The following SIL1 variants were observed in gnomAD, a reference collection of about 807,000 sequenced individuals.
SIL1 encodes nucleotide exchange factor SIL1.
Under a neutral mutation model 49.1 loss-of-function variants are expected in SIL1, and 40 were observed. That is an observed-to-expected ratio of 0.81 (90% CI 0.63 to 1.06). SIL1 has a LOEUF of 1.06. Ranked by LOEUF, SIL1 falls within the 50% of genes least tolerant of loss-of-function variation. SIL1 has a pLI of 0.00. For missense variants in SIL1, 500 were observed against 572.6 expected, an observed-to-expected ratio of 0.87 and a Z score of 1.29; for synonymous variants, 253 against 250.8, an observed-to-expected ratio of 1.01 and a Z score of -0.08.
chr5:138,996,771 A>G (rs1411257562), intron 7 of SIL1, among the ~76,000 whole-genome samples: 3 of 150,740 alleles, frequency 2.0e-5, no homozygotes, highest in African/African-American at 7.3e-5. Context: ...GCCTGCCTCG[A>G]CCTCCCAAAG....
intron 5 of SIL1, among the ~76,000 whole-genome samples, chr5:139,031,975 T>C (rs1341554397): frequency 6.6e-6 from 1 of 152,262 alleles, no homozygotes; most frequent in African/African-American, 2.4e-5. Flanking sequence ...TCTTGTGACA[T>C]TGCTGAACTC....
chr5:139,020,031 A>G (rs1768484111), intron 7 of SIL1, among the ~76,000 whole-genome samples: 1 of 152,190 alleles, frequency 6.6e-6, no homozygotes, highest in Admixed American at 6.5e-5. Flanking sequence ...GTGGCTGCAC[A>G]GGAGGAGATT....
Position 139,194,075 on chromosome 5 carries a change from T to G in SIL1, c.-11+4194A>C, listed in dbSNP as rs113998808. On this transcript the variant is annotated intron_variant, in intron 1 of 9. Transcript: ENST00000394817. ...CTCAATACCAAAGCCAAGGGCAGTA[T>G]TAGGAGGATGAAGGCAAACATGGCC... 9.6e-3 allele frequency among the ~76,000 whole-genome samples: 1,455 copies of G among 152,316 alleles called. 5 individuals are homozygous for G. The highest frequency in any genetic ancestry group is 0.013 in the Non-Finnish European group (859 of 68,028).
At chr5:139,187,560 G>A (rs1284838552) in intron 1 of SIL1, among the ~76,000 whole-genome samples, 2 of 151,770 alleles carry the variant, frequency 1.3e-5, no homozygotes, top group African/African-American at 4.8e-5. Context: ...AGAGTACTCT[G>A]GGCAAAAGAA....
intron 5 of SIL1, chr5:139,035,438 G>A: frequency 3.7e-6 from 2 of 539,350 alleles, no homozygotes; most frequent in South Asian, 2.8e-5. Flanking sequence ...CCTCAATCAG[G>A]GCCTGTCTGT....
chr5:138,985,695 G>A (rs904656434), intron 7 of SIL1, among the ~76,000 whole-genome samples: 1 of 152,116 alleles, frequency 6.6e-6, no homozygotes, highest in Admixed American at 6.5e-5. Flanking sequence ...TCTGACTGTC[G>A]ACCCAAGACT....
At chr5:138,988,237 CACCTGGTTCTTACAG>C (rs1443472212) in intron 7 of SIL1, among the ~76,000 whole-genome samples, 1 of 152,232 alleles carries the variant, frequency 6.6e-6, no homozygotes, top group Non-Finnish European at 1.5e-5. Context: ...CAGACCCGTA[CACCTGGTTCTTACAG>C]AACAGTCCCA....
At chr5:139,126,112 A>T (rs903869133) in intron 2 of SIL1, among the ~76,000 whole-genome samples, 3 of 152,226 alleles carry the variant, frequency 2.0e-5, no homozygotes, top group Non-Finnish European at 4.4e-5. Flanking sequence ...TTTAGATTTT[A>T]AATGACATCA....
chr5:138,993,378 T>C lies in SIL1; in HGVS notation c.767+27793A>G, dbSNP rs189422643. On this transcript the variant is annotated intron_variant, in intron 7 of 9. Coordinates refer to ENST00000394817, the MANE Select transcript of SIL1 (RefSeq NM_022464.5). ...CAACCCAAAGCTGCTGACCTGAAGA[T>C]GCTGTTTACATGGAAAAAATAAATA... Among the ~76,000 whole-genome samples the C allele has an allele frequency of 5.0e-4, 76 of 152,298 alleles. 1 individual carries two copies. In the East Asian group the frequency reaches 0.012, roughly 24 times the overall value.
chr5:139,041,143 G>A (rs1455586461), intron 5 of SIL1, among the ~76,000 whole-genome samples: 1 of 152,206 alleles, frequency 6.6e-6, no homozygotes, highest in Non-Finnish European at 1.5e-5. Context: ...GGCAGAAGAT[G>A]TGCTTCTCCT....
intron 3 of SIL1, among the ~76,000 whole-genome samples, chr5:139,106,185 A>G (rs1167164521): frequency 1.3e-5 from 2 of 152,166 alleles, no homozygotes; most frequent in Non-Finnish European, 2.9e-5. Flanking sequence ...TGCTCTCTCA[A>G]TCCTCCCAAT....
intron 1 of SIL1, chr5:139,196,465 C>G (rs1752275773): frequency 1.3e-5 from 2 of 152,204 alleles, no homozygotes; most frequent in Admixed American, 6.5e-5. Context: ...TAATTAGCCT[C>G]TTCTCCTGCC....
intron 7 of SIL1, 108 bp downstream of exon 7, chr5:139,021,063 A>C (rs1768514065): frequency 6.8e-7 from 1 of 1,481,222 alleles, no homozygotes; most frequent in South Asian, 1.1e-5. Context: ...AGTTTCATTG[A>C]GATGACACTG....
intron 3 of SIL1, among the ~76,000 whole-genome samples, chr5:139,092,911 T>C (rs1243537804): frequency 6.6e-6 from 1 of 152,172 alleles, no homozygotes; most frequent in Non-Finnish European, 1.5e-5. Flanking sequence ...AAGAGGTGAT[T>C]AGGTCATGAG....
At chr5:139,056,562 C>G (rs1769434789) in intron 3 of SIL1, among the ~76,000 whole-genome samples, 1 of 150,570 alleles carries the variant, frequency 6.6e-6, no homozygotes, top group Non-Finnish European at 1.5e-5. Context: ...GGTCAGCCCC[C>G]CGACCGGCCA....
chr5:139,109,877 C>A (rs1032432086), intron 3 of SIL1, among the ~76,000 whole-genome samples: 1 of 151,196 alleles, frequency 6.6e-6, no homozygotes, highest in Non-Finnish European at 1.5e-5. Flanking sequence ...CCTCTAAGAG[C>A]CTGAATGACT....
intron 3 of SIL1, among the ~76,000 whole-genome samples, chr5:139,089,522 TTC>T (rs1359625642): frequency 1.4e-5 from 2 of 138,884 alleles, no homozygotes; most frequent in Non-Finnish European, 3.3e-5. Flanking sequence ...TATAAATAGT[TTC>T]TTTTTGTTAA....
intron 3 of SIL1, among the ~76,000 whole-genome samples, chr5:139,104,760 T>A (rs973844696): frequency 6.6e-6 from 1 of 152,198 alleles, no homozygotes; most frequent in African/African-American, 2.4e-5. Context: ...GGTTAAGGAT[T>A]AAGACTTAAG....
At chr5:139,002,041 T>C (rs1178952783) in intron 7 of SIL1, among the ~76,000 whole-genome samples, 1 of 151,974 alleles carries the variant, frequency 6.6e-6, no homozygotes, top group Non-Finnish European at 1.5e-5. Flanking sequence ...TGAAACCCTG[T>C]CTCTACAAAA....
Sources: allele counts gnomAD v4.1 joint callset (sites outside exome capture counted in the v4.1 genomes callset), GRCh38; gene constraint gnomAD v4.1.1; transcripts MANE v1.5; gene names NCBI Gene and HGNC (gene_info 2026-07-23, HGNC 2026-07-21).